Variants in GLMN observed in about 807,000 individuals in gnomAD.
GLMN encodes the protein glomulin, FKBP associated protein.
GLMN carries 75 observed loss-of-function variants against 87.8 expected under a neutral mutation model. The observed-to-expected ratio is 0.85, with a 90% CI of 0.71 to 1.04. The LOEUF is 1.04. Ranked by LOEUF, GLMN falls within the 50% of genes least tolerant of loss-of-function variation. The pLI is 0.00. For missense variants in GLMN, 588 were observed against 658.8 expected (o/e 0.89, Z 1.18); for synonymous variants, 206 against 221.6 (o/e 0.93, Z 0.63).
At chr1:92,303,948 G>A (rs1174634232), upstream of GLMN, 1 of 1,453,744 alleles carries the variant, frequency 6.9e-7, no homozygotes, top group Admixed American at 1.9e-5. Context: ...ATTAAACTAG[G>A]AGGAAATAAC....
At chr1:92,305,889 G>A in the GLMN span, among the ~76,000 whole-genome samples, 3 of 152,146 alleles carry the variant, frequency 2.0e-5, no homozygotes, top group East Asian at 5.8e-4. Flanking sequence ...CATTTGTCTG[G>A]TGAAGTCTTT....
chr1:92,318,087 A>T, the GLMN span, among the ~76,000 whole-genome samples: 3 of 151,970 alleles, frequency 2.0e-5, no homozygotes, highest in East Asian at 5.8e-4. Context: ...AGACCCTCTT[A>T]CTTTTGTTTT....
Position 92,264,729 on chromosome 1 carries a change from T to G in GLMN, c.1215-91A>C, listed in dbSNP as rs115051614. On this transcript the variant is annotated intron_variant, in intron 13 of 18. Transcript: ENST00000370360. ...AAGTTTTACAAATTCAAAGAGGCCA[T>G]GTGTTACTTCTAGGAATAAAAACCC... The G allele has an allele frequency of 3.9e-6, 3 of 763,756 alleles. No individual in the cohort carries two copies. In the East Asian group the frequency reaches 7.6e-5, roughly 19 times the overall value. 47.3% of individuals were successfully genotyped at this position (763,756 alleles called of 1,614,324 possible).
At chr1:92,323,528 A>G in the GLMN span, 2 of 1,613,910 alleles carry the variant, frequency 1.2e-6, no homozygotes, top group African/African-American at 1.3e-5. Flanking sequence ...TTTGAAAAGC[A>G]ATATGAATCT....
the GLMN span, among the ~76,000 whole-genome samples, chr1:92,367,905 T>C: frequency 6.6e-6 from 1 of 152,240 alleles, no homozygotes; most frequent in Non-Finnish European, 1.5e-5. Context: ...GGAAAATCCT[T>C]CTATGAGAGA....
At chr1:92,281,012 A>G (rs773135236) in intron 7 of GLMN, among the ~76,000 whole-genome samples, 6 of 152,244 alleles carry the variant, frequency 3.9e-5, no homozygotes, top group Non-Finnish European at 7.3e-5. Flanking sequence ...GGAAAGTGAC[A>G]GGGAGAATGG....
chr1:92,271,700 G>A, intron 7 of GLMN, 48 bp from the exon 8 acceptor site: 1 of 1,271,388 alleles, frequency 7.9e-7, no homozygotes, highest in Non-Finnish European at 1.2e-6. Flanking sequence ...ACTCTAAAAT[G>A]CCCCCCACCC....
At chr1:92,369,869 A>T in the GLMN span, among the ~76,000 whole-genome samples, 1 of 152,126 alleles carries the variant, frequency 6.6e-6, no homozygotes, top group Non-Finnish European at 1.5e-5. Context: ...ACCTGAAAGT[A>T]AACATTTTTA....
At chr1:92,350,196 G>A in the GLMN span, among the ~76,000 whole-genome samples, 2 of 152,176 alleles carry the variant, frequency 1.3e-5, no homozygotes, top group Non-Finnish European at 2.9e-5. Context: ...TTACCCAAGA[G>A]CACATGGAAA....
intron 6 of GLMN, 55 bp from the exon 7 acceptor site, chr1:92,286,647 C>T (rs550415158): frequency 1.2e-6 from 1 of 849,198 alleles, no homozygotes; most frequent in South Asian, 1.3e-5. Flanking sequence ...TATAAAATCC[C>T]TAGGTCTTCA....
At chr1:92,346,639 A>G in the GLMN span, among the ~76,000 whole-genome samples, 45,042 of 152,084 alleles carry the variant, frequency 0.3, 8,341 homozygotes, top group East Asian at 0.85. Flanking sequence ...TAGCACCAAA[A>G]AAGTTTTTCA....
chr1:92,328,041 T>C, the GLMN span, among the ~76,000 whole-genome samples: 1 of 152,246 alleles, frequency 6.6e-6, no homozygotes, highest in East Asian at 1.9e-4. Context: ...TCTGATAGGC[T>C]TTCCTTTATA....
intron 16 of GLMN, among the ~76,000 whole-genome samples, chr1:92,261,060 T>C (rs1293942126): frequency 2.0e-5 from 3 of 152,186 alleles, no homozygotes. Flanking sequence ...TCTTGATTAC[T>C]AAAAAAATAA....
At chr1:92,354,972 C>T in the GLMN span, among the ~76,000 whole-genome samples, 1 of 151,426 alleles carries the variant, frequency 6.6e-6, no homozygotes, top group Non-Finnish European at 1.5e-5. Flanking sequence ...GATCTCAGCT[C>T]ATTGCAATCT....
chr1:92,288,794 T>C (rs1027756701), intron 6 of GLMN, 120 bp downstream of exon 6: 4 of 709,246 alleles, frequency 5.6e-6, no homozygotes, highest in African/African-American at 5.3e-5. Context: ...CACATTCTTC[T>C]AAAATTCAAA....
At chr1:92,303,561 A>T (rs1651010929), upstream of GLMN, among the ~76,000 whole-genome samples, 1 of 152,170 alleles carries the variant, frequency 6.6e-6, no homozygotes, top group Admixed American at 6.5e-5. Flanking sequence ...TTTAAAGATT[A>T]TGCTTTAAAA....
chr1:92,304,327 T>A, the GLMN span: 1 of 1,524,666 alleles, frequency 6.6e-7, no homozygotes, highest in Non-Finnish European at 9.0e-7. Context: ...ACCAATAAAG[T>A]CTATGATATT....
the GLMN span, among the ~76,000 whole-genome samples, chr1:92,327,931 A>G: frequency 1.4e-4 from 21 of 152,326 alleles, no homozygotes; most frequent in East Asian, 4.0e-3. Flanking sequence ...TTCGCTGGAT[A>G]CAAAATTCTT....
Position 92,298,923 on chromosome 1 carries a change from AC to A in GLMN, c.-31+1del, listed in dbSNP as rs1228132581. 1 of 457,426 alleles carries A rather than the reference AC, an allele frequency of 2.2e-6. No individual in the cohort carries two copies. Among genetic ancestry groups the A allele is most frequent in the African/African-American group, 2.0e-5 (1 of 48,990 alleles). The allele number at this position is 457,426 out of a possible 1,614,324, so 28.3% of individuals were successfully genotyped here. A position where few individuals can be genotyped will look rare whatever the true frequency, so the allele number is the denominator to read the frequency against. The stretch of plus-strand genomic sequence containing the variant: ...CCTGAACCTCTCCACAACTCCACTT[AC>A]CGGCCAGAACCCTCGCCTCTCCCAG... On this transcript the variant is annotated splice_donor_variant, in intron 1 of 18. Coordinates refer to ENST00000370360, the MANE Select transcript of GLMN (RefSeq NM_053274.3). LOFTEE classifies it low-confidence loss of function (5UTR_SPLICE).
Sources: gnomAD v4.1 joint callset for allele counts (sites outside exome capture counted in the v4.1 genomes callset) on GRCh38, gnomAD v4.1.1 for gene constraint, MANE v1.5 for transcripts, NCBI Gene and HGNC (gene_info 2026-07-23, HGNC 2026-07-21) for gene names.